RAI1: variants seen among roughly 807,000 people sequenced by gnomAD.
RAI1 encodes retinoic acid induced 1.
Under a neutral mutation model 123.8 loss-of-function variants are expected in RAI1, and 9 were observed. That is an observed-to-expected ratio of 0.07 (90% CI 0.04 to 0.13). The LOEUF is 0.13. Ranked by LOEUF, RAI1 falls within the 10% of genes least tolerant of loss-of-function variation. RAI1 has a pLI of 1.00. For synonymous variants in RAI1, 1,231 were observed against 1,127.3 expected, an observed-to-expected ratio of 1.09 and a Z score of -1.84; for missense variants, 2,256 against 2,545.8, an observed-to-expected ratio of 0.89 and a Z score of 2.45.
intron 2 of RAI1, among the ~76,000 whole-genome samples, chr17:17,779,807 C>T (rs1340866122): frequency 4.1e-5 from 6 of 147,914 alleles, no homozygotes; most frequent in South Asian, 2.2e-4. Flanking sequence ...GACGGAGTCT[C>T]GCCCTTGCCC....
chr17:17,782,313 C>G (rs2031615540), intron 2 of RAI1: 1 of 152,156 alleles, frequency 6.6e-6, no homozygotes. Context: ...ATAACCCTCT[C>G]CGGCTGGGAA....
chr17:17,695,574 T>C (rs1308932717), intron 1 of RAI1, among the ~76,000 whole-genome samples: 1 of 151,778 alleles, frequency 6.6e-6, no homozygotes, highest in African/African-American at 2.4e-5. Context: ...TCGCCCAGGC[T>C]GTAGTGCAGT....
chr17:17,722,580 GTCTCGGCCTAGT>G (rs1384407532), intron 1 of RAI1, among the ~76,000 whole-genome samples: 1 of 152,208 alleles, frequency 6.6e-6, no homozygotes, highest in African/African-American at 2.4e-5. Context: ...GCTCTTCTTT[GTCTCGGCCTAGT>G]TCTCGGCTGT....
At chr17:17,807,409 C>T (rs2032616101) in intron 4 of RAI1, among the ~76,000 whole-genome samples, 1 of 152,136 alleles carries the variant, frequency 6.6e-6, no homozygotes, top group Admixed American at 6.5e-5. Context: ...CCCTGCACTG[C>T]GCTGTCCTGG....
intron 2 of RAI1, among the ~76,000 whole-genome samples, chr17:17,754,963 A>G (rs909723335): frequency 1.3e-5 from 2 of 152,224 alleles, no homozygotes; most frequent in African/African-American, 4.8e-5. Context: ...ACCTGTCTGG[A>G]GCGGCTTTAT....
intron 2 of RAI1, among the ~76,000 whole-genome samples, chr17:17,746,261 G>A (rs939062054): frequency 6.6e-6 from 1 of 152,238 alleles, no homozygotes; most frequent in East Asian, 1.9e-4. Flanking sequence ...CAGAATGAAA[G>A]ACCTTGTCAC....
intron 1 of RAI1, among the ~76,000 whole-genome samples, chr17:17,697,247 C>T (rs1282829293): frequency 6.6e-6 from 1 of 152,246 alleles, no homozygotes; most frequent in Non-Finnish European, 1.5e-5. Flanking sequence ...GGATGCAGGG[C>T]CCTGTATCAG....
At chr17:17,683,129 A>T (rs1393276652) in intron 1 of RAI1, among the ~76,000 whole-genome samples, 1 of 152,204 alleles carries the variant, frequency 6.6e-6, no homozygotes, top group African/African-American at 2.4e-5. Flanking sequence ...AGGGCATTAC[A>T]TCTGGTTGCA....
At chr17:17,747,292 T>C (rs529410155) in intron 2 of RAI1, among the ~76,000 whole-genome samples, 2 of 152,320 alleles carry the variant, frequency 1.3e-5, no homozygotes, top group African/African-American at 4.8e-5. Flanking sequence ...TGGGATGTTT[T>C]ATAACCCCTT....
intron 1 of RAI1, among the ~76,000 whole-genome samples, chr17:17,697,375 C>T (rs1915074416): frequency 6.6e-6 from 1 of 152,254 alleles, no homozygotes; most frequent in Non-Finnish European, 1.5e-5. Context: ...GCCTGGCCAC[C>T]ACCTGCCATC....
intron 1 of RAI1, among the ~76,000 whole-genome samples, chr17:17,723,214 C>G (rs540081701): frequency 6.6e-6 from 1 of 152,052 alleles, no homozygotes; most frequent in Non-Finnish European, 1.5e-5. Flanking sequence ...CGCAATCCCA[C>G]CCACGCAGTA....
intron 1 of RAI1, among the ~76,000 whole-genome samples, chr17:17,692,691 G>T (rs78400761): frequency 1.3e-5 from 2 of 152,252 alleles, no homozygotes; most frequent in African/African-American, 4.8e-5. Context: ...ACAGCCATGA[G>T]CTTGGCTTCT....
chr17:17,698,821 C>T (rs766960490), intron 1 of RAI1, among the ~76,000 whole-genome samples: 3 of 152,212 alleles, frequency 2.0e-5, no homozygotes, highest in Non-Finnish European at 4.4e-5. Flanking sequence ...GTTTGGAGGC[C>T]TACTGTGTGC....
At chr17:17,724,816 T>A (rs921638600) in intron 2 of RAI1, among the ~76,000 whole-genome samples, 6 of 151,958 alleles carry the variant, frequency 3.9e-5, no homozygotes, top group Non-Finnish European at 7.4e-5. Flanking sequence ...ACCCCCGCCT[T>A]CCTCCCTTCC....
intron 2 of RAI1, chr17:17,778,715 C>T (rs952908951): frequency 8.8e-6 from 4 of 456,616 alleles, no homozygotes; most frequent in African/African-American, 8.0e-5. Context: ...CTTTCCGGAG[C>T]AGAGGCCTGC....
intron 2 of RAI1, among the ~76,000 whole-genome samples, chr17:17,734,238 G>A (rs1916353698): frequency 6.6e-6 from 1 of 152,020 alleles, no homozygotes; most frequent in Admixed American, 6.6e-5. Context: ...AGCCCCCAAC[G>A]ACCAAAAGGG....
intron 2 of RAI1, among the ~76,000 whole-genome samples, chr17:17,763,630 A>G (rs2030798857): frequency 6.6e-6 from 1 of 152,240 alleles, no homozygotes. Context: ...GTCATAAAAG[A>G]ACCTGGTGCA....
rs755432491 is a variant in RAI1 at position 17,797,409 on chromosome 17, C to T, written c.4461C>T (p.Ala1487=). Residue 1487 remains alanine, a synonymous_variant, in exon 3 of 6, where the codon GCC becomes GCT. Coordinates refer to ENST00000353383, the MANE Select transcript of RAI1 (RefSeq NM_030665.4). ...PRDRASGTQG[A]SEDNSGGGGK... is the part of the protein sequence containing the mutation. Reference sequence around the variant, plus strand: ...ACAGGGCCAGTGGCACACAAGGGGCCAGTGAGGACAACTCTGGTGGAGGAG... The same window carrying T: ...ACAGGGCCAGTGGCACACAAGGGGCTAGTGAGGACAACTCTGGTGGAGGAG... 6 of 1,613,042 alleles carry T rather than the reference C, an allele frequency of 3.7e-6. No homozygotes were observed. Among genetic ancestry groups the T allele is most frequent in the South Asian group, 1.1e-5 (1 of 91,072 alleles).
At chr17:17,764,243 T>A (rs2030823366) in intron 2 of RAI1, among the ~76,000 whole-genome samples, 3 of 152,212 alleles carry the variant, frequency 2.0e-5, no homozygotes, top group Admixed American at 1.3e-4. Context: ...ACTTTTTAAC[T>A]TTTTATTGAC....
Sources: allele counts gnomAD v4.1 joint callset (sites outside exome capture counted in the v4.1 genomes callset), GRCh38; gene constraint gnomAD v4.1.1; transcripts MANE v1.5; gene names NCBI Gene and HGNC (gene_info 2026-07-23, HGNC 2026-07-21).